DAB2IP: variants seen among roughly 807,000 people sequenced by gnomAD.
DAB2IP encodes the protein DAB2 interacting protein.
A neutral mutation model predicts 107.2 loss-of-function variants in DAB2IP; 28 were observed. That is an observed-to-expected ratio of 0.26 (90% CI 0.19 to 0.36). The LOEUF is 0.36. DAB2IP is among the 10% of genes least tolerant of loss of function. DAB2IP has a pLI of 1.00. For synonymous variants in DAB2IP, 755 were observed against 706.4 expected (o/e 1.07, Z -1.09); for missense variants, 1,400 against 1,644.7 (o/e 0.85, Z 2.57).
chr9:121,701,636 T>G lies in DAB2IP; in HGVS notation c.362+2178T>G, dbSNP rs112808892. Among the ~76,000 whole-genome samples, 1 of 152,186 alleles carries G rather than the reference T, an allele frequency of 6.6e-6. No individual in the cohort carries two copies. The highest frequency in any genetic ancestry group is 2.4e-5 in the African/African-American group (1 of 41,438). ...TTTCCCAGGACTGGGGTCTCCTGAT[T>G]TGCTGCTTTGCTTAGGAACAGATTC... is the stretch of plus-strand genomic sequence containing the variant. On this transcript the variant is annotated intron_variant, in intron 3 of 15. Coordinates refer to ENST00000408936, the Ensembl canonical transcript of DAB2IP. The surrounding 1 kb of genome is among the most constrained non-coding windows in gnomAD (Gnocchi z 4.7).
intron 1 of DAB2IP, among the ~76,000 whole-genome samples, chr9:121,602,759 T>C (rs976116694): frequency 6.6e-6 from 1 of 152,112 alleles, no homozygotes; most frequent in Non-Finnish European, 1.5e-5. Flanking sequence ...GTATTTTTAG[T>C]GGAGACAGGG....
At chr9:121,592,193 C>T (rs1053879195) in intron 1 of DAB2IP, among the ~76,000 whole-genome samples, 1 of 152,056 alleles carries the variant, frequency 6.6e-6, no homozygotes, top group Non-Finnish European at 1.5e-5. Flanking sequence ...CATGGTGAAA[C>T]CCCATCTCTA....
chr9:121,603,989 C>A (rs1266327460), intron 1 of DAB2IP, among the ~76,000 whole-genome samples: 2 of 151,870 alleles, frequency 1.3e-5, no homozygotes, highest in Non-Finnish European at 2.9e-5. Context: ...TGGGGGCAGT[C>A]CAGAGGGGGA....
At position 121,776,131 on chromosome 9, in the gene DAB2IP, T is replaced by G; in HGVS notation, c.3121-67T>G. 6.5e-7 allele frequency: 1 copy of G among 1,532,492 alleles called. No homozygotes were observed. Among genetic ancestry groups the G allele is most frequent in the Non-Finnish European group, 8.8e-7 (1 of 1,136,054 alleles). The allele number at this position is 1,532,492 out of a possible 1,614,324, so 94.9% of individuals were successfully genotyped here. ...GGCTCCCTCCTACCCTTCCTCCCAC[T>G]CGGGCTGACGAAGCTGTGCTCTCTG... is the stretch of plus-strand genomic sequence containing the variant. On this transcript the variant is annotated intron_variant, in intron 13 of 15. Transcript: ENST00000408936. This position sits in a 1 kb window ranked among gnomAD's most constrained non-coding sequence, Gnocchi z 5.4.
chr9:121,678,628 T>C (rs1393775668), intron 1 of DAB2IP, 50 bp from the exon 2 acceptor site: 9 of 1,412,164 alleles, frequency 6.4e-6, no homozygotes, highest in Admixed American at 2.6e-5. Flanking sequence ...GCCCTAGCTG[T>C]GTGGCCTTGG....
At chr9:121,763,751 G>T in exon 8 of DAB2IP, 1 of 1,614,052 alleles carries the variant, frequency 6.2e-7, no homozygotes, top group Non-Finnish European at 8.5e-7. Context: ...TCATCAAAGC[G>T]CTGTATGAGT....
rs1834029448 is a variant in DAB2IP, at chr9:121,763,299, G to A, written c.1171-206G>A. On this transcript the variant is annotated intron_variant, in intron 6 of 15. Coordinates refer to ENST00000408936, the Ensembl canonical transcript of DAB2IP. ...CCGGCTCTACTGTCACCAGTTCTAG[G>A]CTCCTACCCTGGCTGGGGGCCCCTG... 2.0e-5 allele frequency among the ~76,000 whole-genome samples: 3 copies of A among 152,130 alleles called. No individual in the cohort carries two copies. The South Asian group carries it at 6.2e-4, about 32-fold the overall frequency.
intron 1 of DAB2IP, among the ~76,000 whole-genome samples, chr9:121,611,677 T>A (rs1191132086): frequency 3.3e-5 from 5 of 152,274 alleles, no homozygotes. Context: ...CTCTGCCTCC[T>A]GGGTTCAAGT....
intron 1 of DAB2IP, among the ~76,000 whole-genome samples, chr9:121,629,624 C>T (rs758039248): frequency 3.9e-5 from 6 of 152,134 alleles, no homozygotes; most frequent in African/African-American, 7.2e-5. Flanking sequence ...CCTGAAGCCC[C>T]GAGCTGGGCT....
At chr9:121,601,146 C>G (rs1830673805) in intron 1 of DAB2IP, among the ~76,000 whole-genome samples, 1 of 152,210 alleles carries the variant, frequency 6.6e-6, no homozygotes, top group African/African-American at 2.4e-5. Flanking sequence ...CTATCTTGAT[C>G]TTTCCCCCTT....
At chr9:121,723,201 G>A (rs930062536) in intron 3 of DAB2IP, among the ~76,000 whole-genome samples, 19 of 152,200 alleles carry the variant, frequency 1.2e-4, no homozygotes, top group Admixed American at 1.2e-3. Context: ...TTTCCCAGCA[G>A]TGCCACACAG....
At chr9:121,580,434 T>A (rs1158124028) in intron 1 of DAB2IP, among the ~76,000 whole-genome samples, 1 of 152,088 alleles carries the variant, frequency 6.6e-6, no homozygotes, top group South Asian at 2.1e-4. Flanking sequence ...ATTCTAGCAC[T>A]TTTGAGAGGC....
At chr9:121,663,430 T>G (rs532877445) in intron 1 of DAB2IP, among the ~76,000 whole-genome samples, 11 of 152,252 alleles carry the variant, frequency 7.2e-5, no homozygotes, top group African/African-American at 2.6e-4. Context: ...TCTGAGCAGC[T>G]GCTGTGCCCT....
intron 2 of DAB2IP, among the ~76,000 whole-genome samples, chr9:121,695,248 C>T (rs992859263): frequency 6.6e-5 from 10 of 152,322 alleles, no homozygotes; most frequent in East Asian, 3.9e-4. Flanking sequence ...CCCTGCCGGG[C>T]GGCCCACAGC....
rs1047961668 is a variant in DAB2IP at position 121,699,751 on chromosome 9, C to T, written c.362+293C>T. 5.9e-5 allele frequency among the ~76,000 whole-genome samples: 9 copies of T among 152,210 alleles called. No homozygotes were observed. Among genetic ancestry groups the T allele is most frequent in the African/African-American group, 2.2e-4 (9 of 41,470 alleles). On this transcript the variant is annotated intron_variant, in intron 3 of 15. Coordinates refer to ENST00000408936, the Ensembl canonical transcript of DAB2IP. The surrounding 1 kb of genome is among the most constrained non-coding windows in gnomAD (Gnocchi z 6.2). Reference sequence around the variant, plus strand: ...CCCTCGCAGGGAAGTCCTGCCTCGCCTGTCCGAGGTGGGCATTGTTTCCCG... The same window carrying T: ...CCCTCGCAGGGAAGTCCTGCCTCGCTTGTCCGAGGTGGGCATTGTTTCCCG...
At chr9:121,759,975 T>G in exon 6 of DAB2IP, 1 of 1,614,176 alleles carries the variant, frequency 6.2e-7, no homozygotes, top group Non-Finnish European at 8.5e-7. Context: ...GTGCGAGCTG[T>G]GCCTGGACGA....
chr9:121,766,603 C>T (rs1408800095), exon 9 of DAB2IP: 6 of 1,614,108 alleles, frequency 3.7e-6, no homozygotes, highest in Non-Finnish European at 3.4e-6. Context: ...CCTCTTCCTG[C>T]GCTTCCTCTG....
intron 1 of DAB2IP, among the ~76,000 whole-genome samples, chr9:121,587,665 A>G (rs1456544038): frequency 6.6e-6 from 1 of 151,988 alleles, no homozygotes; most frequent in Non-Finnish European, 1.5e-5. Context: ...AGGTCAAGAA[A>G]CAGAGGGCCT....
Position 121,747,857 on chromosome 9 carries a change from C to CAAAA in DAB2IP, c.363-9145_363-9142dup, listed in dbSNP as rs35203556. On this transcript the variant is annotated intron_variant, in intron 3 of 15. Coordinates refer to ENST00000408936, the Ensembl canonical transcript of DAB2IP. ...CTCTCTCTGCACCCCTCCTCCCCCG[C>CAAAA]AAAAAAAAAAAAAAGAAAGAAAGAA... is the stretch of plus-strand genomic sequence containing the variant. Among the ~76,000 whole-genome samples the CAAAA allele has an allele frequency of 2.4e-3, 302 of 128,060 alleles. 1 individual carries two copies. The highest frequency in any genetic ancestry group is 4.3e-3 in the African/African-American group (155 of 35,712). The allele number at this position is 128,060 out of a possible 152,430, so 84.0% of individuals were successfully genotyped here.
Sources: gnomAD v4.1 joint callset for allele counts (sites outside exome capture counted in the v4.1 genomes callset) on GRCh38, gnomAD v4.1.1 for gene constraint, Gnocchi (gnomAD v3.1) non-coding constraint, MANE v1.5 for transcripts, NCBI Gene and HGNC (gene_info 2026-07-23, HGNC 2026-07-21) for gene names.